SERHL2: variants seen among roughly 807,000 people sequenced by gnomAD.
SERHL2 encodes serine hydrolase like 2.
A neutral mutation model predicts 25.5 loss-of-function variants in SERHL2; 29 were observed. The ratio of observed to expected loss-of-function variants is 1.14; its 90% CI spans 0.85 to 1.55. The LOEUF (loss-of-function observed/expected upper bound fraction) is 1.55, where lower values mean the gene tolerates loss of function less well. Among genes scored for constraint, SERHL2 ranks in the 40% most tolerant of loss-of-function variants. The pLI is 0.00. For missense variants in SERHL2, 240 were observed against 252.3 expected (o/e 0.95, Z 0.33); for synonymous variants, 95 against 103.5 (o/e 0.92, Z 0.50).
At chr22:42,567,890 T>TGCTG (rs1923630920) in intron 9 of SERHL2, among the ~76,000 whole-genome samples, 5 of 151,238 alleles carry the variant, frequency 3.3e-5, no homozygotes, top group Non-Finnish European at 7.4e-5. Flanking sequence ...CCACCACACC[T>TGCTG]GGCTAATTTT....
chr22:42,571,064 G>A lies in SERHL2; in HGVS notation c.649-57G>A, dbSNP rs558482623. On this transcript the variant is annotated intron_variant, in intron 9 of 11. Coordinates refer to ENST00000327678, the MANE Select transcript of SERHL2 (RefSeq NM_014509.5). ...CCACCCCAACAGAGATGGGTTTCGT[G>A]CCCACGAGAGTGCCTGTGCCTTGTG... 295 of 1,610,650 alleles carry A rather than the reference G, an allele frequency of 1.8e-4. No individual in the cohort carries two copies. The East Asian group carries it at 6.3e-3, about 35-fold the overall frequency.
chr22:42,574,025 G>C lies in SERHL2; in HGVS notation c.915G>C (p.Gln305His), dbSNP rs764929780. 6 of 1,607,690 alleles carry C rather than the reference G, an allele frequency of 3.7e-6. No homozygotes were observed. Among genetic ancestry groups the C allele is most frequent in the South Asian group, 1.1e-5 (1 of 91,008 alleles). Residue 305 changes from glutamine to histidine, a missense_variant, in exon 12 of 12, where the codon CAG becomes CAC. Transcript: ENST00000327678. Reference protein sequence around the residue: ...HVASIISSFLQCTHMLPAQL With the variant: ...HVASIISSFLHCTHMLPAQL ...CCAGTATCATCAGCTCCTTCTTACAGTGCACACACATGCTCCCAGCCCAGC... is the reference window on the plus strand; with the variant it reads ...CCAGTATCATCAGCTCCTTCTTACACTGCACACACATGCTCCCAGCCCAGC...
At chr22:42,565,893 G>A (rs1009815005) in intron 8 of SERHL2, among the ~76,000 whole-genome samples, 6 of 151,636 alleles carry the variant, frequency 4.0e-5, no homozygotes, top group South Asian at 2.1e-4. Flanking sequence ...TTGCTCTGTC[G>A]CCTAGGCTGG....
In SERHL2 at chr22:42,572,512, A is replaced by T. The variant is rs773250575; in HGVS notation, c.808A>T (p.Lys270Ter). 6.2e-6 allele frequency: 10 copies of T among 1,611,992 alleles called. No individual in the cohort carries two copies. Among genetic ancestry groups the T allele is most frequent in the Non-Finnish European group, 8.5e-6 (10 of 1,178,510 alleles). The change falls in exon 11 of 12, where the codon AAA becomes TAA. Residue 270 changes from lysine to a stop codon, truncating the protein, a stop_gained. Coordinates refer to ENST00000327678, the MANE Select transcript of SERHL2 (RefSeq NM_014509.5). LOFTEE classifies it low-confidence loss of function (END_TRUNC). ...CCTGTCGTTCATGATAGACACGATG[A>T]AATCCACCCTCAAAGAGGTAAGACG... ...ESLSFMIDTM[K>*]STLKEQFQFV...
Position 42,572,448 on chromosome 22 carries a change from A to G in SERHL2, c.744A>G (p.Gly248=), listed in dbSNP as rs1370755680. The stretch of plus-strand genomic sequence containing the variant: ...CCTCACTTTCCAGAGCAGTCCACGG[A>G]TATTTTGATTCAAGACAGAATTACT... ...AHVLLIKAVH[G]YFDSRQNYSE... Residue 248 remains glycine, a synonymous_variant, in exon 11 of 12, where the codon GGA becomes GGG. Coordinates refer to ENST00000327678, the MANE Select transcript of SERHL2 (RefSeq NM_014509.5). 2 of 1,610,428 alleles carry G rather than the reference A, an allele frequency of 1.2e-6. No individual in the cohort carries two copies. The highest frequency in any genetic ancestry group is 1.7e-6 in the Non-Finnish European group (2 of 1,177,132).
intron 9 of SERHL2, among the ~76,000 whole-genome samples, chr22:42,570,638 C>T (rs371227291): frequency 8.6e-5 from 13 of 150,820 alleles, no homozygotes; most frequent in East Asian, 1.9e-4. Flanking sequence ...CGGAGGAGGC[C>T]GGCAGGGGCC....
rs901169806 is a variant in SERHL2, at chr22:42,562,066, A to AC, written c.613+1804dup. Among the ~76,000 whole-genome samples, 33 of 151,518 alleles carry AC rather than the reference A, an allele frequency of 2.2e-4. 1 individual carries two copies. The highest frequency in any genetic ancestry group is 7.3e-4 in the African/African-American group (30 of 41,254). On this transcript the variant is annotated intron_variant, in intron 8 of 11. Coordinates refer to ENST00000327678, the MANE Select transcript of SERHL2 (RefSeq NM_014509.5). Reference sequence around the variant, plus strand: ...AGAGGGAGGGCTGAGAAAGAGGTGAACCCTGGGTCTGGGGGAAGTGGTCAG... The same window carrying AC: ...AGAGGGAGGGCTGAGAAAGAGGTGAACCCCTGGGTCTGGGGGAAGTGGTCAG...
rs1922519669 is a variant in SERHL2 at position 42,560,238 on chromosome 22, C to T, written c.586C>T (p.Gln196Ter). The change falls in exon 8 of 12, where the codon CAA becomes TAA. Residue 196 changes from glutamine to a stop codon, truncating the protein, a stop_gained. Transcript: ENST00000327678. LOFTEE classifies it high-confidence loss of function. ...LSEECGELLL[Q>*]RGTTKVATGL... ...TGAGGAGTGCGGGGAGCTTCTCCTG[C>T]AAAGAGGAACCACGAAGGTGGCCAC... is the stretch of plus-strand genomic sequence containing the variant. 6.2e-7 allele frequency: 1 copy of T among 1,612,516 alleles called. No homozygotes were observed. Among genetic ancestry groups the T allele is most frequent in the East Asian group, 2.2e-5 (1 of 44,896 alleles).
At position 42,566,454 on chromosome 22, in the gene SERHL2, A is replaced by G. The variant is rs1923400828; in HGVS notation, c.648+116A>G. ...ACGCCTGTAATCCCAGCTACTCAGG[A>G]GGCTGAGGCAGGACAATCGCTTGAA... On this transcript the variant is annotated intron_variant, in intron 9 of 11. Coordinates refer to ENST00000327678, the MANE Select transcript of SERHL2 (RefSeq NM_014509.5). 3.1e-6 allele frequency: 3 copies of G among 959,902 alleles called. No homozygotes were observed. In the South Asian group the frequency reaches 4.0e-5, roughly 13 times the overall value. 59.5% of individuals were successfully genotyped at this position (959,902 alleles called of 1,614,324 possible). A position where few individuals can be genotyped will look rare whatever the true frequency, so the allele number is the denominator to read the frequency against.
chr22:42,560,959 A>T (rs2146686153), intron 8 of SERHL2, among the ~76,000 whole-genome samples: 1 of 151,926 alleles, frequency 6.6e-6, no homozygotes, highest in South Asian at 2.1e-4. Flanking sequence ...GCAGTGAGCA[A>T]GAGCCGACTG....
chr22:42,554,440 G>A (rs1485875472), intron 1 of SERHL2, among the ~76,000 whole-genome samples: 1 of 152,188 alleles, frequency 6.6e-6, no homozygotes, highest in Non-Finnish European at 1.5e-5. Context: ...AGCTCCCAGT[G>A]CCTCAGTTTC....
chr22:42,564,427 ATTTT>A (rs35590765), intron 8 of SERHL2, among the ~76,000 whole-genome samples: 1 of 146,270 alleles, frequency 6.8e-6, no homozygotes, highest in Non-Finnish European at 1.5e-5. Context: ...CCGACACAGG[ATTTT>A]TTTTTTTCTT....
chr22:42,560,071 C>G, intron 7 of SERHL2, 115 bp from the exon 8 acceptor site: 1 of 764,712 alleles, frequency 1.3e-6, no homozygotes, highest in South Asian at 1.5e-5. Flanking sequence ...CTTGTCCTCC[C>G]AAAGTGCTGG....
intron 7 of SERHL2, 89 bp from the exon 8 acceptor site, chr22:42,560,097 C>T: frequency 1.0e-6 from 1 of 952,402 alleles, no homozygotes; most frequent in Non-Finnish European, 1.7e-6. Context: ...CAGGCATGAG[C>T]CACCGTCCCC....
intron 11 of SERHL2, chr22:42,572,851 T>G (rs1348681235): frequency 7.5e-6 from 3 of 398,190 alleles, no homozygotes; most frequent in Non-Finnish European, 1.0e-5. Context: ...TTTATATTTT[T>G]AAGAGATGGG....
At chr22:42,567,807 G>A (rs1214515309) in intron 9 of SERHL2, among the ~76,000 whole-genome samples, 5 of 151,106 alleles carry the variant, frequency 3.3e-5, no homozygotes, top group East Asian at 1.9e-4. Context: ...CTCAGCTCAC[G>A]GCAACCTTTG....
At chr22:42,569,904 AG>A (rs1923934508) in intron 9 of SERHL2, 1 of 151,694 alleles carries the variant, frequency 6.6e-6, no homozygotes, top group Non-Finnish European at 1.5e-5. Flanking sequence ...ACAATGGTGC[AG>A]GAGTATCGGG....
intron 8 of SERHL2, chr22:42,563,551 G>C (rs551098805): frequency 3.7e-6 from 1 of 271,922 alleles, no homozygotes; most frequent in Admixed American, 4.6e-5. Flanking sequence ...CTGAAGCCCC[G>C]TGCTGTGGGG....
At position 42,566,328 on chromosome 22, in the gene SERHL2, G is replaced by A. The variant is rs745764539; in HGVS notation, c.638G>A (p.Arg213Lys). 1.2e-6 allele frequency: 2 copies of A among 1,611,910 alleles called. No individual in the cohort carries two copies. Among genetic ancestry groups the A allele is most frequent in the Admixed American group, 1.7e-5 (1 of 59,996 alleles). Residue 213 changes from arginine (R) to lysine (K), a missense_variant, in exon 9 of 12, where the codon AGG (arginine) becomes AAG (lysine). By Grantham distance (26) the Arg-to-Lys change is conservative. Transcript: ENST00000327678. ...ATGLVLNRDQ[R>K]LAWAENSIDF... ...GGTCTGGTTCTGAACAGAGACCAGA[G>A]GCTCGCCTGGGTGAGTACCACTGCC...
Sources: gnomAD v4.1 joint callset for allele counts (sites outside exome capture counted in the v4.1 genomes callset) on GRCh38, gnomAD v4.1.1 for gene constraint, MANE v1.5 for transcripts, NCBI Gene and HGNC (gene_info 2026-07-23, HGNC 2026-07-21) for gene names.